The following PXDNL variants were observed in gnomAD, a reference collection of about 807,000 sequenced individuals.
PXDNL encodes peroxidasin like.
A neutral mutation model predicts 150.8 loss-of-function variants in PXDNL; 145 were observed. The ratio of observed to expected loss-of-function variants is 0.96; its 90% CI spans 0.84 to 1.10. The LOEUF is 1.10. Ranked by LOEUF, PXDNL falls within the 50% of genes least tolerant of loss-of-function variation. PXDNL has a pLI of 0.00. For synonymous variants in PXDNL, 757 were observed against 725.7 expected (o/e 1.04, Z -0.69); for missense variants, 2,087 against 1,873.9 (o/e 1.11, Z -2.10).
rs753052040 is a variant in PXDNL at position 51,457,492 on chromosome 8, T to A, written c.982+6A>T. 1 of 1,602,256 alleles carries A rather than the reference T, an allele frequency of 6.2e-7. No homozygotes were observed. The highest frequency in any genetic ancestry group is 8.5e-7 in the Non-Finnish European group (1 of 1,174,738). ...AATTGATAGAACTAGAAAATAATAG[T>A]TTTACCTGGAAGACTGGAGTATCTG... On this transcript the variant is annotated splice_donor_region_variant and intron_variant, in intron 9 of 22. Coordinates refer to ENST00000356297, the MANE Select transcript of PXDNL (RefSeq NM_144651.5).
intron 1 of PXDNL, among the ~76,000 whole-genome samples, chr8:51,658,845 C>T (rs900994331): frequency 1.3e-5 from 2 of 152,152 alleles, no homozygotes; most frequent in Non-Finnish European, 2.9e-5. Flanking sequence ...TCTAACTTCT[C>T]CACAGTACTC....
chr8:51,653,536 G>A (rs776065734), intron 2 of PXDNL, among the ~76,000 whole-genome samples: 12 of 152,166 alleles, frequency 7.9e-5, no homozygotes, highest in Non-Finnish European at 1.5e-4. Context: ...TCCAGGAAAT[G>A]TTTTCGTACA....
intron 5 of PXDNL, among the ~76,000 whole-genome samples, chr8:51,489,870 T>C (rs1810850395): frequency 6.6e-6 from 1 of 152,176 alleles, no homozygotes; most frequent in Non-Finnish European, 1.5e-5. Flanking sequence ...TCAACATGTA[T>C]TCCAGCAGAA....
At chr8:51,466,326 G>T (rs1340634740) in intron 8 of PXDNL, among the ~76,000 whole-genome samples, 1 of 152,110 alleles carries the variant, frequency 6.6e-6, no homozygotes, top group Non-Finnish European at 1.5e-5. Context: ...AAATGGTGCT[G>T]GGAGAACTGG....
intron 8 of PXDNL, among the ~76,000 whole-genome samples, chr8:51,467,464 C>T (rs1386479138): frequency 6.6e-6 from 1 of 151,950 alleles, no homozygotes; most frequent in Non-Finnish European, 1.5e-5. Flanking sequence ...CTGGGGAATA[C>T]ATGATGGAGA....
chr8:51,479,281 A>G (rs1208763579), intron 6 of PXDNL, among the ~76,000 whole-genome samples: 2 of 152,246 alleles, frequency 1.3e-5, no homozygotes, highest in Non-Finnish European at 2.9e-5. Flanking sequence ...TATGTAGACA[A>G]GAAACACTGC....
At chr8:51,764,467 G>C (rs2037203702) in intron 1 of PXDNL, among the ~76,000 whole-genome samples, 1 of 150,098 alleles carries the variant, frequency 6.7e-6, no homozygotes, top group South Asian at 2.1e-4. Flanking sequence ...CTCTGGCCAT[G>C]ACTGCAGCTC....
chr8:51,608,085 GCAAGCAAGCAA>G, intron 2 of PXDNL, among the ~76,000 whole-genome samples: 1 of 147,524 alleles, frequency 6.8e-6, no homozygotes, highest in African/African-American at 2.6e-5. Context: ...AAGCAAGCAA[GCAAGCAAGCAA>G]GCAAGCAAGC....
chr8:51,379,474 T>C lies in PXDNL; in HGVS notation c.3558-4743A>G, dbSNP rs147475240. On this transcript the variant is annotated intron_variant, in intron 17 of 22. Coordinates refer to ENST00000356297, the MANE Select transcript of PXDNL (RefSeq NM_144651.5). ...TTCTACGTGTTGATTGAAAATTTAG[T>C]TTTTTTCTTACTGAAATGTGTATTT... Among the ~76,000 whole-genome samples, 439 of 152,230 alleles carry C rather than the reference T, an allele frequency of 2.9e-3. 2 individuals carry two copies. Among genetic ancestry groups the C allele is most frequent in the African/African-American group, 9.6e-3 (398 of 41,506 alleles).
intron 1 of PXDNL, among the ~76,000 whole-genome samples, chr8:51,806,456 C>T (rs573404240): frequency 2.0e-5 from 3 of 152,244 alleles, no homozygotes; most frequent in East Asian, 3.9e-4. Flanking sequence ...AACTAATTGG[C>T]TTTTTCCCAT....
chr8:51,487,860 A>T lies in PXDNL; in HGVS notation c.453-4146T>A, dbSNP rs572585502. 5.3e-5 allele frequency among the ~76,000 whole-genome samples: 8 copies of T among 152,324 alleles called. 1 individual carries two copies. Among genetic ancestry groups the T allele is most frequent in the African/African-American group, 1.9e-4 (8 of 41,574 alleles). On this transcript the variant is annotated intron_variant, in intron 5 of 22. Coordinates refer to ENST00000356297, the MANE Select transcript of PXDNL (RefSeq NM_144651.5). ...CAGGTGTTAGAGGTTAGTACTTATG[A>T]ATGTAACACAAAGGCGCTTTTGTCA...
At chr8:51,790,488 C>G (rs892438781) in intron 1 of PXDNL, among the ~76,000 whole-genome samples, 2 of 152,358 alleles carry the variant, frequency 1.3e-5, no homozygotes, top group African/African-American at 4.8e-5. Context: ...CTTCTGTTTT[C>G]TAAGACGAGG....
intron 1 of PXDNL, among the ~76,000 whole-genome samples, chr8:51,725,196 C>T (rs1219797316): frequency 6.6e-6 from 1 of 152,100 alleles, no homozygotes; most frequent in Non-Finnish European, 1.5e-5. Flanking sequence ...TAGAAAGTAT[C>T]AGATCTTCCA....
At chr8:51,596,436 A>G (rs1163323918) in intron 2 of PXDNL, among the ~76,000 whole-genome samples, 3 of 152,122 alleles carry the variant, frequency 2.0e-5, no homozygotes, top group Non-Finnish European at 2.9e-5. Flanking sequence ...TGCTGGGTCA[A>G]CTGGTAGTTC....
rs559229919 is a variant in PXDNL at position 51,679,636 on chromosome 8, G to T, written c.165-24876C>A. Among the ~76,000 whole-genome samples the T allele has an allele frequency of 4.5e-4, 68 of 152,230 alleles. 1 individual carries two copies. Among genetic ancestry groups the T allele is most frequent in the African/African-American group, 1.0e-3 (43 of 41,532 alleles). Reference sequence around the variant, plus strand: ...TTTATTTAATGTGGTCATTCCTGAGGAGTCAGGGACTAGACATTTTGCTTT... The same window carrying T: ...TTTATTTAATGTGGTCATTCCTGAGTAGTCAGGGACTAGACATTTTGCTTT... On this transcript the variant is annotated intron_variant, in intron 1 of 22. Coordinates refer to ENST00000356297, the MANE Select transcript of PXDNL (RefSeq NM_144651.5).
intron 14 of PXDNL, among the ~76,000 whole-genome samples, chr8:51,417,211 CAGG>C (rs1808822561): frequency 6.6e-6 from 1 of 152,032 alleles, no homozygotes; most frequent in Non-Finnish European, 1.5e-5. Context: ...CAAAATTTTA[CAGG>C]AGTAGAGGGA....
chr8:51,527,839 T>A (rs1811801112), intron 4 of PXDNL, among the ~76,000 whole-genome samples: 1 of 152,110 alleles, frequency 6.6e-6, no homozygotes, highest in Non-Finnish European at 1.5e-5. Context: ...GAAGAGAGAA[T>A]CAGTCAGGGA....
intron 3 of PXDNL, among the ~76,000 whole-genome samples, chr8:51,579,943 C>T (rs1813166774): frequency 6.6e-6 from 1 of 151,684 alleles, no homozygotes. Flanking sequence ...CAACATGGCA[C>T]ATGTATACAT....
intron 4 of PXDNL, among the ~76,000 whole-genome samples, chr8:51,511,413 G>C (rs1376820992): frequency 6.6e-6 from 1 of 152,196 alleles, no homozygotes; most frequent in Non-Finnish European, 1.5e-5. Context: ...TACAATAATA[G>C]AGGGGCTGGT....
Sources: gnomAD v4.1 joint callset for allele counts (sites outside exome capture counted in the v4.1 genomes callset) on GRCh38, gnomAD v4.1.1 for gene constraint, MANE v1.5 for transcripts, NCBI Gene and HGNC (gene_info 2026-07-23, HGNC 2026-07-21) for gene names.